Variants in RSRC1 observed in about 807,000 individuals in gnomAD.
RSRC1 encodes the protein arginine and serine rich coiled-coil 1.
Under a neutral mutation model 49.1 loss-of-function variants are expected in RSRC1, and 39 were observed. That is an observed-to-expected ratio of 0.79 (90% CI 0.61 to 1.04). The LOEUF (loss-of-function observed/expected upper bound fraction) is 1.04, where lower values mean the gene tolerates loss of function less well. RSRC1 is among the 50% of genes least tolerant of loss of function. The probability of loss-of-function intolerance (pLI) is 0.00; values close to 1 mark genes in which losing one functional copy is unlikely to be tolerated. For missense variants in RSRC1, 388 were observed against 402.4 expected (o/e 0.96, Z 0.31); for synonymous variants, 143 against 130.8 (o/e 1.09, Z -0.63).
chr3:158,295,508 T>A (rs1200366001), intron 4 of RSRC1, among the ~76,000 whole-genome samples: 1 of 152,088 alleles, frequency 6.6e-6, no homozygotes, highest in East Asian at 1.9e-4. Flanking sequence ...TGGCATTCAA[T>A]AAGAGACTAT....
chr3:158,477,798 T>TTTTTTATATATATATATATATATA (rs1485762587), intron 7 of RSRC1, among the ~76,000 whole-genome samples: 2 of 89,772 alleles, frequency 2.2e-5, no homozygotes, highest in East Asian at 2.8e-4. Context: ...CGGGAGGGAT[T>TTTTTTATATATATATATATATATA]TATATATATA....
chr3:158,312,416 A>T (rs1419878732), intron 5 of RSRC1, among the ~76,000 whole-genome samples: 1 of 152,168 alleles, frequency 6.6e-6, no homozygotes, highest in Non-Finnish European at 1.5e-5. Flanking sequence ...ATAGATATGG[A>T]ATGATGAACC....
At position 158,141,439 on chromosome 3, in the gene RSRC1, TG is replaced by T. The variant is rs1716744042; in HGVS notation, c.320+17450del. ...GATTCACAGAAGTCCTAAAACTCCA[TG>T]GACCTCCTGGTTAAGGACACATTTA... On this transcript the variant is annotated intron_variant, in intron 3 of 9. Transcript: ENST00000611884. Among the ~76,000 whole-genome samples, 3 of 152,334 alleles carry T rather than the reference TG, an allele frequency of 2.0e-5. No individual in the cohort carries two copies. In the South Asian group the frequency reaches 6.2e-4, roughly 32 times the overall value.
rs1452015549 is a variant in RSRC1, at chr3:158,518,146, A to ATTTTTTT, written c.653-18945_653-18944insTTTTTTT. 8.0e-4 allele frequency among the ~76,000 whole-genome samples: 56 copies of ATTTTTTT among 69,692 alleles called. 3 individuals are homozygous for ATTTTTTT. The highest frequency in any genetic ancestry group is 7.7e-3 in the Middle Eastern group (1 of 130). 45.7% of individuals were successfully genotyped at this position (69,692 alleles called of 152,430 possible). A position where few individuals can be genotyped will look rare whatever the true frequency, so the allele number is the denominator to read the frequency against. On this transcript the variant is annotated intron_variant, in intron 7 of 9. Transcript: ENST00000611884. ...TGTGTGTATATATATATATATATAT[A>ATTTTTTT]TATTTTTTTTTTTTTTTTTTTTACT...
At chr3:158,178,035 A>C (rs916551585) in intron 3 of RSRC1, among the ~76,000 whole-genome samples, 9 of 151,970 alleles carry the variant, frequency 5.9e-5, no homozygotes, top group Non-Finnish European at 1.0e-4. Flanking sequence ...TGTTTTTAGC[A>C]CCTTCTTTTT....
intron 3 of RSRC1, among the ~76,000 whole-genome samples, chr3:158,192,851 A>G (rs1185312949): frequency 2.0e-5 from 3 of 152,064 alleles, no homozygotes; most frequent in Non-Finnish European, 1.5e-5. Flanking sequence ...ACTTCAGATT[A>G]TTATTATTCA....
At chr3:158,359,314 G>A (rs6441191) in intron 6 of RSRC1, among the ~76,000 whole-genome samples, 144,113 of 152,282 alleles carry the variant, frequency 0.95, 68,295 homozygotes, top group East Asian at 1. Flanking sequence ...GATAATAACT[G>A]CCATGTTGGA....
chr3:158,223,167 C>T (rs1222898861), intron 4 of RSRC1, among the ~76,000 whole-genome samples: 1 of 151,432 alleles, frequency 6.6e-6, no homozygotes, highest in Non-Finnish European at 1.5e-5. Context: ...CCTCGTATGC[C>T]CTTCGTCTTC....
At chr3:158,530,905 AT>A (rs1400659964) in intron 7 of RSRC1, among the ~76,000 whole-genome samples, 20 of 126,704 alleles carry the variant, frequency 1.6e-4, no homozygotes, top group East Asian at 6.7e-4. Context: ...AAAAAAAAAA[AT>A]AATAAATAAA....
chr3:158,459,276 A>G (rs937771621), intron 6 of RSRC1, among the ~76,000 whole-genome samples: 12 of 152,168 alleles, frequency 7.9e-5, no homozygotes, highest in South Asian at 4.1e-4. Context: ...AATCAGTAAG[A>G]AAGGATAAAC....
At position 158,318,588 on chromosome 3, in the gene RSRC1, G is replaced by C. The variant is rs560027483; in HGVS notation, c.531+20513G>C. On this transcript the variant is annotated intron_variant, in intron 5 of 9. Coordinates refer to ENST00000611884, the MANE Select transcript of RSRC1 (RefSeq NM_001271838.2). The stretch of plus-strand genomic sequence containing the variant: ...ACAAACACAGGCCTTAGTAGTTGGG[G>C]GGAAAAAGAAAAAAGGACCACATCA... Among the ~76,000 whole-genome samples the C allele has an allele frequency of 6.9e-4, 105 of 152,146 alleles. No individual in the cohort carries two copies. In the South Asian group the frequency reaches 7.9e-3, roughly 11 times the overall value.
chr3:158,531,630 T>C (rs1448673837), intron 7 of RSRC1, among the ~76,000 whole-genome samples: 1 of 151,784 alleles, frequency 6.6e-6, no homozygotes, highest in East Asian at 1.9e-4. Context: ...CTATTCCACT[T>C]AAGGAGTTTT....
At chr3:158,389,953 T>G (rs1733176702) in intron 6 of RSRC1, among the ~76,000 whole-genome samples, 1 of 152,234 alleles carries the variant, frequency 6.6e-6, no homozygotes, top group Admixed American at 6.5e-5. Context: ...AACTATTGTT[T>G]TAGGGCTTTC....
chr3:158,203,319 C>T (rs2108280001), intron 4 of RSRC1, 74 bp downstream of exon 4: 1 of 1,463,900 alleles, frequency 6.8e-7, no homozygotes, highest in African/African-American at 1.4e-5. Flanking sequence ...TTTTTGTTCT[C>T]TGAGGTTTTT....
chr3:158,494,334 T>A (rs1295713207), intron 7 of RSRC1, among the ~76,000 whole-genome samples: 1 of 152,186 alleles, frequency 6.6e-6, no homozygotes, highest in Non-Finnish European at 1.5e-5. Flanking sequence ...AAAGATTTTT[T>A]AAATGGTACA....
intron 7 of RSRC1, among the ~76,000 whole-genome samples, chr3:158,471,328 G>A (rs1738125847): frequency 6.6e-6 from 1 of 152,124 alleles, no homozygotes; most frequent in Non-Finnish European, 1.5e-5. Context: ...CAACTTCTAA[G>A]TCTTTATTTT....
chr3:158,295,923 C>G (rs1163356352), intron 4 of RSRC1, among the ~76,000 whole-genome samples: 2 of 152,160 alleles, frequency 1.3e-5, no homozygotes, highest in East Asian at 3.9e-4. Context: ...TATTTACAGT[C>G]TTTGTTTATC....
At chr3:158,402,979 A>C (rs1733972151) in intron 6 of RSRC1, among the ~76,000 whole-genome samples, 1 of 142,306 alleles carries the variant, frequency 7.0e-6, no homozygotes, top group Admixed American at 7.1e-5. Flanking sequence ...TCTAGGCTAT[A>C]ACAAAATAAA....
chr3:158,292,445 G>A (rs967972309), intron 4 of RSRC1, among the ~76,000 whole-genome samples: 2 of 152,174 alleles, frequency 1.3e-5, no homozygotes, highest in African/African-American at 2.4e-5. Flanking sequence ...CTGTACTCCT[G>A]TGTGTTAGTT....
Sources: allele counts gnomAD v4.1 joint callset (sites outside exome capture counted in the v4.1 genomes callset), GRCh38; gene constraint gnomAD v4.1.1; transcripts MANE v1.5; gene names NCBI Gene and HGNC (gene_info 2026-07-23, HGNC 2026-07-21).